The following PINK1 variants were observed in gnomAD, a reference collection of about 807,000 sequenced individuals.
PINK1 encodes the protein PTEN induced kinase 1, also known as serine/threonine-protein kinase PINK1, mitochondrial.
A neutral mutation model predicts 56.0 loss-of-function variants in PINK1; 58 were observed. The ratio of observed to expected loss-of-function variants is 1.04; its 90% CI spans 0.84 to 1.29. The LOEUF (loss-of-function observed/expected upper bound fraction) is 1.29. PINK1 is among the 50% of genes most tolerant of loss of function. The pLI is 0.00. For missense variants in PINK1, 745 were observed against 777.9 expected (o/e 0.96, Z 0.50); for synonymous variants, 354 against 339.3 (o/e 1.04, Z -0.48).
chr1:20,647,053 A>ATTTTTT (rs71585775), intron 5 of PINK1, among the ~76,000 whole-genome samples: 1,629 of 91,426 alleles, frequency 0.018, 79 homozygotes, highest in African/African-American at 0.04. Context: ...CTAATTTTTG[A>ATTTTTT]TTTTTTTTTT....
Position 20,633,482 on chromosome 1 carries a change from T to G in PINK1, c.-67T>G, listed in dbSNP as rs1198048001. On this transcript the variant is annotated 5_prime_UTR_variant, in exon 1 of 8. Coordinates refer to ENST00000321556, the MANE Select transcript of PINK1 (RefSeq NM_032409.3). ...CAGAGGCACCGCCCCAAGTTTGTTG[T>G]GACCGGCGGGGGACGCCGGTGGTGG... 9.2e-7 allele frequency: 1 copy of G among 1,082,148 alleles called. No individual in the cohort carries two copies. Among genetic ancestry groups the G allele is most frequent in the Non-Finnish European group, 1.1e-6 (1 of 892,022 alleles). The allele number at this position is 1,082,148 out of a possible 1,614,324, so 67.0% of individuals were successfully genotyped here.
intron 4 of PINK1, 107 bp downstream of exon 4, chr1:20,644,779 C>A: frequency 1.4e-6 from 2 of 1,394,286 alleles, no homozygotes; most frequent in Non-Finnish European, 2.0e-6. Context: ...AGAACAGGGT[C>A]ATCACCCTTC....
Position 20,649,199 on chromosome 1 carries a change from G to A in PINK1, c.1456G>A (p.Val486Met). The A allele has an allele frequency of 6.2e-7, 1 of 1,614,188 alleles. No individual in the cohort carries two copies. The highest frequency in any genetic ancestry group is 8.5e-7 in the Non-Finnish European group (1 of 1,180,034). The change falls in exon 7 of 8, where the codon GTG becomes ATG. Residue 486 changes from valine (V) to methionine (M), a missense_variant. Physicochemically the swap from Val to Met is conservative, Grantham distance 21. Transcript: ENST00000321556. ...ESVPPDVRQL[V>M]RALLQREASK... ...AGTGCCTCCAGACGTGAGACAGTTG[G>A]TGAGGGCACTGCTCCAGCGAGAGGC...
Position 20,645,503 on chromosome 1 carries a change from A to AG in PINK1, c.960-57_960-56insG, listed in dbSNP as rs769298471. 104 of 1,530,224 alleles carry AG rather than the reference A, an allele frequency of 6.8e-5. No homozygotes were observed. In the East Asian group the frequency reaches 2.3e-3, roughly 34 times the overall value. 94.8% of individuals were successfully genotyped at this position (1,530,224 alleles called of 1,614,324 possible). On this transcript the variant is annotated intron_variant, in intron 4 of 7. Transcript: ENST00000321556. ...ACTCCATCTCAAAAAAAAAAAAAAA[A>AG]ACGTATTGGGAGTCGTCGATGTGTG...
Position 20,645,610 on chromosome 1 carries a change from G to A in PINK1, c.1010G>A (p.Arg337His), listed in dbSNP as rs184043309. The part of the protein sequence containing the change: ...QYLCVNTPSP[R>H]LAAMMLLQLL... The stretch of plus-strand genomic sequence containing the variant: ...CTTTGTGTGAACACACCCAGCCCCC[G>A]CCTCGCCGCCATGATGCTGCTGCAG... Residue 337 changes from arginine (R) to histidine (H), a missense_variant, in exon 5 of 8, where the codon CGC becomes CAC. Transcript: ENST00000321556. 15 of 1,612,052 alleles carry A rather than the reference G, an allele frequency of 9.3e-6. No homozygotes were observed. The East Asian group carries it at 1.3e-4, about 14-fold the overall frequency.
chr1:20,646,597 T>C (rs986742164), intron 5 of PINK1, among the ~76,000 whole-genome samples: 1 of 152,000 alleles, frequency 6.6e-6, no homozygotes, highest in Non-Finnish European at 1.5e-5. Flanking sequence ...TGAGCCGAGA[T>C]TGTGCCACTG....
chr1:20,639,887 TC>T lies in PINK1; in HGVS notation c.676-3del, dbSNP rs1449660397. 1.2e-6 allele frequency: 2 copies of T among 1,610,574 alleles called. No individual in the cohort carries two copies. The highest frequency in any genetic ancestry group is 1.7e-5 in the Admixed American group (1 of 59,720). ...GTAACCCTGGGTTCCTTGTGGGTGTTCCAGGCAGGTTCCTCCAGCGAAGCCA... is the reference window on the plus strand; with the variant it reads ...GTAACCCTGGGTTCCTTGTGGGTGTTCAGGCAGGTTCCTCCAGCGAAGCCA... On this transcript the variant is annotated splice_region_variant and splice_polypyrimidine_tract_variant and intron_variant, in intron 2 of 7. Transcript: ENST00000321556.
chr1:20,634,479 C>T (rs2053035604), intron 1 of PINK1, among the ~76,000 whole-genome samples: 7 of 152,168 alleles, frequency 4.6e-5, no homozygotes, highest in Admixed American at 4.6e-4. Flanking sequence ...GTAGAGTTAT[C>T]CCTGCTGACT....
rs1344260414 is a variant in PINK1 at position 20,633,825 on chromosome 1, G to A, written c.277G>A (p.Ala93Thr). 1 of 1,576,602 alleles carries A rather than the reference G, an allele frequency of 6.3e-7. No homozygotes were observed. The highest frequency in any genetic ancestry group is 1.2e-5 in the South Asian group (1 of 86,810). Reference sequence around the variant, plus strand: ...GTTCGTGGTGCGGGCCTGGGGCTGCGCGGGCCCTTGCGGCCGGGCAGTCTT... The same window carrying A: ...GTTCGTGGTGCGGGCCTGGGGCTGCACGGGCCCTTGCGGCCGGGCAGTCTT... The part of the protein sequence containing the change: ...RQFVVRAWGC[A>T]GPCGRAVFLA... The change falls in exon 1 of 8, where the codon GCG (alanine) becomes ACG (threonine). Residue 93 changes from alanine (A) to threonine (T), a missense_variant. Physicochemically the swap from Ala to Thr is moderately conservative, Grantham distance 58. Transcript: ENST00000321556.
chr1:20,645,793 A>ACT (rs2053172857), intron 5 of PINK1, 70 bp downstream of exon 5: 1 of 1,584,018 alleles, frequency 6.3e-7, no homozygotes, highest in Non-Finnish European at 8.6e-7. Flanking sequence ...TTTAGGACTG[A>ACT]CTCTTCAGGT....
rs1297467649 is a variant in PINK1 at position 20,651,389 on chromosome 1, T to C, written c.*698T>C. On this transcript the variant is annotated 3_prime_UTR_variant, in exon 8 of 8. Coordinates refer to ENST00000321556, the MANE Select transcript of PINK1 (RefSeq NM_032409.3). The stretch of plus-strand genomic sequence containing the variant: ...CTTATACTCTGAAGGTGAGAATATT[T>C]TGTGGGCAGGTATCAACATTGGGGA... The C allele has an allele frequency of 6.5e-6, 1 of 153,002 alleles. No individual in the cohort carries two copies. Among genetic ancestry groups the C allele is most frequent in the Non-Finnish European group, 1.5e-5 (1 of 68,716 alleles). 9.5% of individuals were successfully genotyped at this position (153,002 alleles called of 1,614,324 possible). A position where few individuals can be genotyped will look rare whatever the true frequency, so the allele number is the denominator to read the frequency against.
intron 3 of PINK1, among the ~76,000 whole-genome samples, 177 bp downstream of exon 3, chr1:20,640,169 C>A (rs1038647505): frequency 1.3e-5 from 2 of 152,190 alleles, no homozygotes; most frequent in African/African-American, 4.8e-5. Flanking sequence ...TGCAGGTAAT[C>A]TGACCCCAAA....
chr1:20,648,759 TC>T, intron 6 of PINK1, 127 bp downstream of exon 6: 1 of 1,488,538 alleles, frequency 6.7e-7, no homozygotes, highest in East Asian at 2.4e-5. Flanking sequence ...TGGCACAAGT[TC>T]CTTCCCTGCC....
At chr1:20,634,065 C>G (rs569642671) in intron 1 of PINK1, 130 bp downstream of exon 1, 9 of 1,108,014 alleles carry the variant, frequency 8.1e-6, no homozygotes, top group Non-Finnish European at 1.0e-5. Flanking sequence ...GGCGAGGGTC[C>G]TTAAAGCTCA....
chr1:20,643,640 G>A (rs1045305188), intron 3 of PINK1, among the ~76,000 whole-genome samples: 2 of 152,204 alleles, frequency 1.3e-5, no homozygotes, highest in Admixed American at 1.3e-4. Context: ...CCAGCATGAT[G>A]TCTGGTACTC....
At chr1:20,638,360 G>A (rs536051281) in intron 2 of PINK1, 102 of 564,376 alleles carry the variant, frequency 1.8e-4, no homozygotes, top group African/African-American at 1.6e-3. Flanking sequence ...GTAGATTTTG[G>A]CCAGGCCTGG....
In PINK1 at chr1:20,633,689, C is replaced by T; in HGVS notation, c.141C>T (p.Gly47=). 1 of 1,491,476 alleles carries T rather than the reference C, an allele frequency of 6.7e-7. No individual in the cohort carries two copies. The allele number at this position is 1,491,476 out of a possible 1,614,324, so 92.4% of individuals were successfully genotyped here. ...GCTGTGTCCGCGGGGAGCGTCCAGG[C>T]TGGGCCGCAGGACCGGGCGCGGAGC... ...AAGCVRGERP[G]WAAGPGAEPR... Residue 47 remains glycine, a synonymous_variant, in exon 1 of 8, where the codon GGC becomes GGT. Transcript: ENST00000321556.
intron 5 of PINK1, among the ~76,000 whole-genome samples, chr1:20,647,052 G>GCTTTT (rs2053191284): frequency 3.6e-5 from 3 of 83,410 alleles, no homozygotes; most frequent in Non-Finnish European, 5.2e-5. Context: ...GCTAATTTTT[G>GCTTTT]ATTTTTTTTT....
intron 5 of PINK1, among the ~76,000 whole-genome samples, chr1:20,648,159 A>G (rs2053210507): frequency 6.6e-6 from 1 of 152,172 alleles, no homozygotes; most frequent in South Asian, 2.1e-4. Context: ...TGGGGTTTCA[A>G]ATTCAAATCA....
Sources: gnomAD v4.1 joint callset for allele counts (sites outside exome capture counted in the v4.1 genomes callset) on GRCh38, gnomAD v4.1.1 for gene constraint, MANE v1.5 for transcripts, NCBI Gene and HGNC (gene_info 2026-07-23, HGNC 2026-07-21) for gene names.